The following RBMS1 variants were observed in gnomAD, a reference collection of about 807,000 sequenced individuals.
RBMS1 encodes RNA binding motif single stranded interacting protein 1, also known as RNA-binding motif, single-stranded-interacting protein 1.
Under a neutral mutation model 62.3 loss-of-function variants are expected in RBMS1, and 17 were observed. That is an observed-to-expected ratio of 0.27 (90% confidence interval 0.19 to 0.41). The LOEUF is 0.41. RBMS1 is among the 10% of genes least tolerant of loss of function. The probability of loss-of-function intolerance (pLI) is 1.00; values close to 1 mark genes in which losing one functional copy is unlikely to be tolerated. For missense variants in RBMS1, 334 were observed against 504.5 expected (o/e 0.66, Z 3.24); for synonymous variants, 172 against 170.0 (o/e 1.01, Z -0.09).
intron 9 of RBMS1, chr2:160,282,469 G>C (rs1688154311): frequency 1.8e-5 from 8 of 448,382 alleles, no homozygotes; most frequent in Non-Finnish European, 3.0e-5. Context: ...TCCAACATGA[G>C]TGCAGGGCCC....
chr2:160,278,443 CAT>C, intron 11 of RBMS1, 103 bp downstream of exon 11: 10 of 904,984 alleles, frequency 1.1e-5, no homozygotes, highest in Non-Finnish European at 1.8e-5. Flanking sequence ...GGGGATTAGA[CAT>C]AATCTGTTAT....
intron 1 of RBMS1, among the ~76,000 whole-genome samples, chr2:160,478,104 AAC>A (rs927273564): frequency 6.6e-6 from 1 of 152,206 alleles, no homozygotes; most frequent in African/African-American, 2.4e-5. Context: ...CCATTCTTAA[AAC>A]ACACTTCCTC....
At chr2:160,290,717 G>C (rs376568431) in intron 6 of RBMS1, among the ~76,000 whole-genome samples, 2 of 152,172 alleles carry the variant, frequency 1.3e-5, no homozygotes, top group Non-Finnish European at 2.9e-5. Flanking sequence ...GTTACCTTGA[G>C]CATTTGTTAA....
At chr2:160,464,047 T>G (rs1371447044) in intron 1 of RBMS1, among the ~76,000 whole-genome samples, 1 of 152,166 alleles carries the variant, frequency 6.6e-6, no homozygotes, top group African/African-American at 2.4e-5. Context: ...AAAAGAAGTA[T>G]GGAGCAAAGT....
At chr2:160,347,019 T>C (rs940956474) in intron 2 of RBMS1, among the ~76,000 whole-genome samples, 1 of 152,102 alleles carries the variant, frequency 6.6e-6, no homozygotes, top group African/African-American at 2.4e-5. Flanking sequence ...TTATCACCAG[T>C]GAAAAAAATA....
intron 1 of RBMS1, among the ~76,000 whole-genome samples, chr2:160,451,723 CT>C (rs1054938513): frequency 9.9e-5 from 15 of 152,030 alleles, no homozygotes; most frequent in Admixed American, 8.5e-4. Flanking sequence ...ATTCTCCTGC[CT>C]CAGCCACCCG....
chr2:160,444,692 C>T (rs1683564003), intron 1 of RBMS1, among the ~76,000 whole-genome samples: 1 of 152,138 alleles, frequency 6.6e-6, no homozygotes, highest in African/African-American at 2.4e-5. Flanking sequence ...TATTTGGAGA[C>T]AGGGGCTGTA....
chr2:160,287,095 A>G lies in RBMS1; in HGVS notation c.641-11T>C, dbSNP rs767112624. 1 of 1,613,848 alleles carries G rather than the reference A, an allele frequency of 6.2e-7. No homozygotes were observed. The highest frequency in any genetic ancestry group is 8.5e-7 in the Non-Finnish European group (1 of 1,179,950). Reference sequence around the variant, plus strand: ...AAGGTTCTGTGGGGGCTAAGTAAACAGAGAAAAATAAAATGAAACCACAAT... The same window carrying G: ...AAGGTTCTGTGGGGGCTAAGTAAACGGAGAAAAATAAAATGAAACCACAAT... On this transcript the variant is annotated splice_polypyrimidine_tract_variant and intron_variant, in intron 6 of 13. Transcript: ENST00000348849.
intron 1 of RBMS1, among the ~76,000 whole-genome samples, chr2:160,473,384 T>C (rs1354980811): frequency 1.3e-5 from 2 of 152,228 alleles, no homozygotes; most frequent in Non-Finnish European, 2.9e-5. Flanking sequence ...ACAGGTATTA[T>C]GTAGCAACAG....
At position 160,424,266 on chromosome 2, in the gene RBMS1, G is replaced by A. The variant is rs1409637889; in HGVS notation, c.76-56875C>T. Among the ~76,000 whole-genome samples the A allele has an allele frequency of 2.7e-5, 4 of 150,782 alleles. No homozygotes were observed. In the South Asian group the frequency reaches 8.5e-4, roughly 32 times the overall value. ...ACTCCTGACCTCAAATGATCCACCCGCCTCAGCCTCCCAAAGTGCTGGCAT... is the reference window on the plus strand; with the variant it reads ...ACTCCTGACCTCAAATGATCCACCCACCTCAGCCTCCCAAAGTGCTGGCAT... On this transcript the variant is annotated intron_variant, in intron 1 of 13. Coordinates refer to ENST00000348849, the MANE Select transcript of RBMS1 (RefSeq NM_016836.4).
chr2:160,318,217 T>A lies in RBMS1; in HGVS notation c.262A>T (p.Ile88Leu). The change falls in exon 3 of 14, where the codon ATA becomes TTA. Residue 88 changes from isoleucine to leucine, a missense_variant. By Grantham distance (5) the Ile-to-Leu change is conservative. Coordinates refer to ENST00000348849, the MANE Select transcript of RBMS1 (RefSeq NM_016836.4). ...LVKLCQPYGK[I>L]VSTKAILDKT... The stretch of plus-strand genomic sequence containing the variant: ...TCCAAAATTGCCTTTGTGGAGACTA[T>A]TTTCCCATATCTAAAAAAAAAAAAA... The A allele has an allele frequency of 6.7e-7, 1 of 1,492,356 alleles. No homozygotes were observed. Among genetic ancestry groups the A allele is most frequent in the Non-Finnish European group, 8.8e-7 (1 of 1,135,854 alleles). The allele number at this position is 1,492,356 out of a possible 1,614,324, so 92.4% of individuals were successfully genotyped here.
At chr2:160,458,568 G>A (rs577059466) in intron 1 of RBMS1, among the ~76,000 whole-genome samples, 7 of 152,248 alleles carry the variant, frequency 4.6e-5, no homozygotes, top group African/African-American at 1.4e-4. Context: ...AGGCCAAGGC[G>A]GGTGGATCAC....
At position 160,388,353 on chromosome 2, in the gene RBMS1, C is replaced by T. The variant is rs367814791; in HGVS notation, c.76-20962G>A. 9.4e-4 allele frequency among the ~76,000 whole-genome samples: 143 copies of T among 152,184 alleles called. 3 individuals carry two copies. The South Asian group carries it at 0.027, about 29-fold the overall frequency. Reference sequence around the variant, plus strand: ...AAAATGCCCCCCACATTGTTTTTGCCGGCGACAGAGGGACCCAATGGTTTA... The same window carrying T: ...AAAATGCCCCCCACATTGTTTTTGCTGGCGACAGAGGGACCCAATGGTTTA... On this transcript the variant is annotated intron_variant, in intron 1 of 13. Coordinates refer to ENST00000348849, the MANE Select transcript of RBMS1 (RefSeq NM_016836.4).
intron 1 of RBMS1, among the ~76,000 whole-genome samples, chr2:160,462,187 C>T (rs1398322074): frequency 6.6e-6 from 1 of 152,160 alleles, no homozygotes; most frequent in African/African-American, 2.4e-5. Context: ...TTCAAGTGAC[C>T]TGACAACCTG....
intron 1 of RBMS1, among the ~76,000 whole-genome samples, chr2:160,476,666 T>C (rs891093369): frequency 3.4e-5 from 5 of 148,674 alleles, no homozygotes; most frequent in African/African-American, 1.2e-4. Context: ...GCCATTCTCC[T>C]GCCTCAGCCT....
chr2:160,331,506 C>T (rs1415960066), intron 2 of RBMS1, among the ~76,000 whole-genome samples: 1 of 152,158 alleles, frequency 6.6e-6, no homozygotes, highest in South Asian at 2.1e-4. Flanking sequence ...GGTGTGTGCC[C>T]TTGGACTGTG....
intron 4 of RBMS1, among the ~76,000 whole-genome samples, chr2:160,304,910 A>G (rs1318252794): frequency 6.6e-6 from 1 of 152,162 alleles, no homozygotes; most frequent in East Asian, 1.9e-4. Flanking sequence ...GATGGAGTGC[A>G]GTGGCGCGAT....
rs147560115 is a variant in RBMS1 at position 160,421,908 on chromosome 2, G to C, written c.76-54517C>G. Among the ~76,000 whole-genome samples, 69 of 152,302 alleles carry C rather than the reference G, an allele frequency of 4.5e-4. No individual in the cohort carries two copies. In the East Asian group the frequency reaches 0.013, roughly 28 times the overall value. On this transcript the variant is annotated intron_variant, in intron 1 of 13. Transcript: ENST00000348849. ...TTTCTCTGATGGCCAGGGATGATGA[G>C]CATTTTTTCATGTGTCTGTTGGCTG...
chr2:160,447,009 C>A (rs1683681875), intron 1 of RBMS1, among the ~76,000 whole-genome samples: 1 of 152,246 alleles, frequency 6.6e-6, no homozygotes, highest in South Asian at 2.1e-4. Context: ...TTACTCCAGG[C>A]AGGCAGCCTG....
Sources: gnomAD v4.1 joint callset for allele counts (sites outside exome capture counted in the v4.1 genomes callset) on GRCh38, gnomAD v4.1.1 for gene constraint, MANE v1.5 for transcripts, NCBI Gene and HGNC (gene_info 2026-07-23, HGNC 2026-07-21) for gene names.